CLIP1: variants seen among roughly 807,000 people sequenced by gnomAD.
The protein encoded by CLIP1 is CAP-Gly domain-containing linker protein 1.
Under a neutral mutation model 161.6 loss-of-function variants are expected in CLIP1, and 66 were observed. The ratio of observed to expected loss-of-function variants is 0.41; its 90% CI spans 0.33 to 0.50. The LOEUF is 0.50. Among genes scored for constraint, CLIP1 ranks in the 20% least tolerant of loss-of-function variants. The pLI, the probability that CLIP1 is intolerant of heterozygous loss-of-function variation, is 0.27. For synonymous variants in CLIP1, 598 were observed against 626.2 expected (o/e 0.96, Z 0.67); for missense variants, 1,376 against 1,702.0 (o/e 0.81, Z 3.37).
intron 5 of CLIP1, 42 bp downstream of exon 5, chr12:122,360,917 C>G: frequency 1.3e-6 from 2 of 1,538,932 alleles, no homozygotes; most frequent in Non-Finnish European, 1.8e-6. Flanking sequence ...GGCCTTAATC[C>G]TGCCTGGGAA....
chr12:122,313,502 G>A (rs1011008644), intron 19 of CLIP1, among the ~76,000 whole-genome samples: 2 of 152,126 alleles, frequency 1.3e-5, no homozygotes, highest in Admixed American at 6.5e-5. Context: ...CGAGGCAGGC[G>A]GATCACCTGA....
At chr12:122,370,093 G>T (rs548934083) in intron 3 of CLIP1, among the ~76,000 whole-genome samples, 34 of 151,606 alleles carry the variant, frequency 2.2e-4, no homozygotes, top group African/African-American at 8.0e-4. Flanking sequence ...AGCCCTGTAG[G>T]CAGAGGGTGC....
chr12:122,358,892 C>A (rs1353922308), intron 5 of CLIP1, among the ~76,000 whole-genome samples: 1 of 152,080 alleles, frequency 6.6e-6, no homozygotes, highest in African/African-American at 2.4e-5. Context: ...GAAACCTCGT[C>A]TCTACTAAAA....
chr12:122,360,036 A>C (rs1953698197), intron 5 of CLIP1, among the ~76,000 whole-genome samples: 3 of 152,154 alleles, frequency 2.0e-5, no homozygotes, highest in Admixed American at 6.5e-5. Flanking sequence ...TTACTGCTCT[A>C]AACAGGAAAA....
chr12:122,370,260 C>CG lies in CLIP1; in HGVS notation c.658-6154dup, dbSNP rs751031217. ...AAGGGGTGTGAGAAGGACAAGAGGT[C>CG]GGGAGGGTGGGCAGGGTCCAGAGAA... On this transcript the variant is annotated intron_variant, in intron 3 of 25. Transcript: ENST00000620786. Among the ~76,000 whole-genome samples the CG allele has an allele frequency of 2.3e-3, 314 of 135,972 alleles. 1 individual carries two copies. Among genetic ancestry groups the CG allele is most frequent in the Non-Finnish European group, 3.0e-3 (189 of 63,210 alleles). The allele number at this position is 135,972 out of a possible 152,430, so 89.2% of individuals were successfully genotyped here. A position where few individuals can be genotyped will look rare whatever the true frequency, so the allele number is the denominator to read the frequency against.
chr12:122,332,622 T>A (rs1309528301), intron 15 of CLIP1, among the ~76,000 whole-genome samples: 1 of 152,106 alleles, frequency 6.6e-6, no homozygotes, highest in Admixed American at 6.5e-5. Flanking sequence ...GGTTTCGCCA[T>A]GTTGGCCAGG....
chr12:122,302,083 A>C (rs1950701199), intron 20 of CLIP1, among the ~76,000 whole-genome samples: 1 of 151,958 alleles, frequency 6.6e-6, no homozygotes, highest in Non-Finnish European at 1.5e-5. Context: ...CCGCCTGGGC[A>C]CTTAGAATTA....
chr12:122,384,693 G>A (rs1955161757), intron 1 of CLIP1, among the ~76,000 whole-genome samples: 1 of 151,684 alleles, frequency 6.6e-6, no homozygotes, highest in Admixed American at 6.6e-5. Context: ...CCCAGGAGGC[G>A]GAGGTTACAG....
chr12:122,389,758 C>CAAAAAAAAAAAAAAAAAAAAAA (rs57168188), intron 1 of CLIP1, among the ~76,000 whole-genome samples: 3 of 69,316 alleles, frequency 4.3e-5, no homozygotes, highest in Non-Finnish European at 5.2e-5. Context: ...GATCCTGTCT[C>CAAAAAAAAAAAAAAAAAAAAAA]AAAAAAAAAA....
chr12:122,358,028 C>A (rs1184467114), intron 5 of CLIP1, among the ~76,000 whole-genome samples: 1 of 152,174 alleles, frequency 6.6e-6, no homozygotes, highest in African/African-American at 2.4e-5. Context: ...ATTGAGAAAT[C>A]GAATGGTTGC....
chr12:122,290,273 C>G (rs1956046494), intron 20 of CLIP1, among the ~76,000 whole-genome samples: 2 of 152,012 alleles, frequency 1.3e-5, no homozygotes, highest in Admixed American at 1.3e-4. Context: ...TAAATGTTAA[C>G]ATAGTTTTAT....
At position 122,334,637 on chromosome 12, in the gene CLIP1, G is replaced by T. The variant is rs779617976; in HGVS notation, c.2626+11C>A. ...TTTAAAGCAATCTGCACACGCTCTGGTAAGACATACCTTGCATACTTCTCT... is the reference window on the plus strand; with the variant it reads ...TTTAAAGCAATCTGCACACGCTCTGTTAAGACATACCTTGCATACTTCTCT... On this transcript the variant is annotated intron_variant, in intron 13 of 25. Transcript: ENST00000620786. The T allele has an allele frequency of 6.4e-7, 1 of 1,567,870 alleles. No homozygotes were observed.
At chr12:122,422,134 G>C (rs1296430705) in intron 1 of CLIP1, among the ~76,000 whole-genome samples, 1 of 152,136 alleles carries the variant, frequency 6.6e-6, no homozygotes, top group Non-Finnish European at 1.5e-5. Flanking sequence ...GCCTCCCGGG[G>C]TCCGGCCGAT....
chr12:122,312,623 G>A (rs1468316598), intron 19 of CLIP1, among the ~76,000 whole-genome samples: 1 of 152,142 alleles, frequency 6.6e-6, no homozygotes, highest in Admixed American at 6.5e-5. Context: ...AATTAGTTGG[G>A]CGTGGTGGTG....
intron 1 of CLIP1, chr12:122,395,516 C>T (rs538062215): frequency 2.0e-5 from 3 of 152,246 alleles, no homozygotes; most frequent in South Asian, 2.1e-4. Context: ...TCATGTTAGT[C>T]GCCCTCTGGG....
chr12:122,326,603 C>T (rs568366470), intron 17 of CLIP1, among the ~76,000 whole-genome samples: 12 of 152,176 alleles, frequency 7.9e-5, no homozygotes, highest in East Asian at 3.9e-4. Context: ...CACTTGAGCC[C>T]GAGAGGTTGA....
intron 3 of CLIP1, among the ~76,000 whole-genome samples, chr12:122,375,239 T>C (rs1168248351): frequency 6.6e-6 from 1 of 152,120 alleles, no homozygotes; most frequent in African/African-American, 2.4e-5. Flanking sequence ...TTCTGCTTAT[T>C]AGTCAAACAG....
chr12:122,357,556 T>C (rs1471482157), intron 5 of CLIP1, among the ~76,000 whole-genome samples: 1 of 65,660 alleles, frequency 1.5e-5, no homozygotes. Context: ...GGGAGGGAGG[T>C]GGGGGGGGTC....
At chr12:122,289,466 T>G (rs562748847) in intron 20 of CLIP1, among the ~76,000 whole-genome samples, 2 of 152,120 alleles carry the variant, frequency 1.3e-5, no homozygotes, top group African/African-American at 4.8e-5. Flanking sequence ...CTGCTAACAT[T>G]CTAGTTCCTT....
Sources: gnomAD v4.1 joint callset for allele counts (sites outside exome capture counted in the v4.1 genomes callset) on GRCh38, gnomAD v4.1.1 for gene constraint, MANE v1.5 for transcripts, NCBI Gene and HGNC (gene_info 2026-07-23, HGNC 2026-07-21) for gene names.